Variants in CSMD1 observed in about 807,000 individuals in gnomAD.
CSMD1 encodes CUB and Sushi multiple domains 1, also known as CUB and sushi domain-containing protein 1.
A neutral mutation model predicts 417.5 loss-of-function variants in CSMD1; 213 were observed. The ratio of observed to expected loss-of-function variants is 0.51; its 90% CI spans 0.46 to 0.57. The LOEUF (loss-of-function observed/expected upper bound fraction) is 0.57. Ranked by LOEUF, CSMD1 falls within the 20% of genes least tolerant of loss-of-function variation. The pLI is 0.00. For missense variants in CSMD1, 6,923 were observed against 4,529.7 expected, an observed-to-expected ratio of 1.53 and a Z score of -15.17; for synonymous variants, 2,862 against 1,736.8, an observed-to-expected ratio of 1.65 and a Z score of -16.11.
rs551958320 is a variant in CSMD1 at position 4,300,247 on chromosome 8, C to T, written c.415+119706G>A. Among the ~76,000 whole-genome samples, 101 of 152,346 alleles carry T rather than the reference C, an allele frequency of 6.6e-4. 1 individual carries two copies. Among genetic ancestry groups the T allele is most frequent in the African/African-American group, 2.4e-3 (99 of 41,590 alleles). The stretch of plus-strand genomic sequence containing the variant: ...GATAATGTATAAAGTCGTTTGTAAA[C>T]ACAGAGCTTTCTGCATCTAACATAT... On this transcript the variant is annotated intron_variant, in intron 3 of 69. Coordinates refer to ENST00000635120, the MANE Select transcript of CSMD1 (RefSeq NM_033225.6).
At chr8:3,499,545 C>T (rs1480583406) in intron 10 of CSMD1, among the ~76,000 whole-genome samples, 1 of 152,008 alleles carries the variant, frequency 6.6e-6, no homozygotes, top group African/African-American at 2.4e-5. Context: ...AAAGGCCAGT[C>T]CTTGGTCTCC....
chr8:3,864,107 A>T (rs936979508), intron 5 of CSMD1, among the ~76,000 whole-genome samples: 1 of 152,086 alleles, frequency 6.6e-6, no homozygotes, highest in Non-Finnish European at 1.5e-5. Context: ...CCTGATTTTT[A>T]AAGCTGTTGA....
intron 5 of CSMD1, among the ~76,000 whole-genome samples, chr8:3,923,975 A>G (rs926438153): frequency 6.6e-6 from 1 of 152,188 alleles, no homozygotes; most frequent in African/African-American, 2.4e-5. Context: ...GAATTTGACT[A>G]TACACTTACC....
At chr8:4,452,547 C>A (rs1171941917) in intron 2 of CSMD1, among the ~76,000 whole-genome samples, 11 of 152,122 alleles carry the variant, frequency 7.2e-5, no homozygotes, top group East Asian at 5.8e-4. Context: ...AAATAATTCA[C>A]TTTTTCCAAT....
intron 1 of CSMD1, among the ~76,000 whole-genome samples, chr8:4,938,678 A>G (rs149577795): frequency 2.0e-3 from 306 of 152,334 alleles, no homozygotes; most frequent in Admixed American, 3.4e-3. Context: ...AAGCCTCATG[A>G]TAATGGGGTG....
chr8:3,100,874 C>G (rs540914203), intron 46 of CSMD1, among the ~76,000 whole-genome samples: 1 of 151,982 alleles, frequency 6.6e-6, no homozygotes, highest in Non-Finnish European at 1.5e-5. Flanking sequence ...AAGGTGAGCC[C>G]TCTGTGAACT....
At chr8:4,188,450 G>C (rs1035851176) in intron 3 of CSMD1, among the ~76,000 whole-genome samples, 2 of 152,070 alleles carry the variant, frequency 1.3e-5, no homozygotes, top group East Asian at 1.9e-4. Flanking sequence ...AATCCAGCCT[G>C]AGAAACTTTA....
chr8:4,139,695 G>A (rs1053825525), intron 3 of CSMD1, among the ~76,000 whole-genome samples: 7 of 151,138 alleles, frequency 4.6e-5, no homozygotes, highest in Non-Finnish European at 8.8e-5. Flanking sequence ...ATGTTAGAAT[G>A]ATGATTTTGG....
In CSMD1 at chr8:3,355,473, G is replaced by A. The variant is rs1030530887; in HGVS notation, c.3304+3679C>T. 3.3e-5 allele frequency among the ~76,000 whole-genome samples: 5 copies of A among 152,194 alleles called. No homozygotes were observed. In the South Asian group the frequency reaches 8.3e-4, roughly 25 times the overall value. On this transcript the variant is annotated intron_variant, in intron 21 of 69. Transcript: ENST00000635120. Reference sequence around the variant, plus strand: ...GCAGATGGAATTCTAAATGTGCTAAGCCAATCACGACTGCCCTGGCCACAA... The same window carrying A: ...GCAGATGGAATTCTAAATGTGCTAAACCAATCACGACTGCCCTGGCCACAA...
intron 5 of CSMD1, among the ~76,000 whole-genome samples, chr8:3,871,258 T>C (rs1805463959): frequency 6.6e-6 from 1 of 152,106 alleles, no homozygotes; most frequent in Non-Finnish European, 1.5e-5. Flanking sequence ...CACTTAATAA[T>C]GCCAAATTAC....
rs371300012 is a variant in CSMD1, at chr8:3,230,149, G to A, written c.4236C>T (p.Thr1412=). Residue 1412 remains threonine, a synonymous_variant, in exon 27 of 70, where the codon ACC becomes ACT. Coordinates refer to ENST00000635120, the MANE Select transcript of CSMD1 (RefSeq NM_033225.6). ...AGCCAGGGTCACACTGGAATGTGAC[G>A]GTGTCTCCAGCCTCTCTGCTGTCTC... The part of the protein sequence containing the change: ...RYGDSREAGD[T]VTFQCDPGYQ... The A allele has an allele frequency of 2.0e-5, 33 of 1,613,368 alleles. No homozygotes were observed. The highest frequency in any genetic ancestry group is 1.6e-4 in the Middle Eastern group (1 of 6,082).
chr8:3,187,483 C>A (rs957096552), intron 36 of CSMD1, among the ~76,000 whole-genome samples: 2 of 152,086 alleles, frequency 1.3e-5, no homozygotes, highest in Non-Finnish European at 2.9e-5. Context: ...CTAGCTGAGC[C>A]CACATGCTCA....
chr8:4,002,880 G>C (rs1259428416), intron 4 of CSMD1, among the ~76,000 whole-genome samples: 1 of 152,126 alleles, frequency 6.6e-6, no homozygotes, highest in Non-Finnish European at 1.5e-5. Context: ...TGGGTAACTT[G>C]TTACATTAAA....
intron 29 of CSMD1, among the ~76,000 whole-genome samples, chr8:3,215,593 A>T (rs1797834399): frequency 6.6e-6 from 1 of 152,254 alleles, no homozygotes; most frequent in Non-Finnish European, 1.5e-5. Context: ...GGCTGCATTA[A>T]GTATTTCTTC....
chr8:4,281,180 G>C (rs1011740413), intron 3 of CSMD1, among the ~76,000 whole-genome samples: 6 of 152,118 alleles, frequency 3.9e-5, no homozygotes, highest in African/African-American at 1.4e-4. Context: ...CAGGTCAAAT[G>C]TAAATAAAAT....
At chr8:4,967,997 A>C (rs1260466600) in intron 1 of CSMD1, among the ~76,000 whole-genome samples, 1 of 152,148 alleles carries the variant, frequency 6.6e-6, no homozygotes, top group African/African-American at 2.4e-5. Context: ...TCAGAGATTC[A>C]AATTGGCATC....
At chr8:3,266,233 G>T (rs1424670565) in intron 26 of CSMD1, among the ~76,000 whole-genome samples, 2 of 150,952 alleles carry the variant, frequency 1.3e-5, no homozygotes, top group Admixed American at 1.3e-4. Context: ...GGGCTCCCGG[G>T]ATGATCATGA....
intron 20 of CSMD1, among the ~76,000 whole-genome samples, chr8:3,362,434 T>G (rs191586803): frequency 7.9e-5 from 12 of 152,284 alleles, no homozygotes; most frequent in African/African-American, 2.9e-4. Flanking sequence ...TTTAATACAG[T>G]TGAATGCTCT....
intron 3 of CSMD1, among the ~76,000 whole-genome samples, chr8:4,163,873 A>G (rs1797303857): frequency 6.6e-6 from 1 of 152,216 alleles, no homozygotes; most frequent in South Asian, 2.1e-4. Flanking sequence ...ATGCCATGAA[A>G]AGAGAAACAC....
Sources: allele counts gnomAD v4.1 joint callset (sites outside exome capture counted in the v4.1 genomes callset), GRCh38; gene constraint gnomAD v4.1.1; transcripts MANE v1.5; gene names NCBI Gene and HGNC (gene_info 2026-07-23, HGNC 2026-07-21).